The following NTNG1 variants were observed in gnomAD, a reference collection of about 807,000 sequenced individuals.
NTNG1 encodes netrin-G1.
In NTNG1, 16 loss-of-function variants were observed where a neutral mutation model predicts 54.0. That is an observed-to-expected ratio of 0.30 (90% CI 0.20 to 0.45). The LOEUF is 0.45. Among genes scored for constraint, NTNG1 ranks in the 20% least tolerant of loss-of-function variants. NTNG1 has a pLI of 1.00. For missense variants in NTNG1, 530 were observed against 678.7 expected (o/e 0.78, Z 2.43); for synonymous variants, 255 against 263.1 (o/e 0.97, Z 0.30).
At chr1:107,413,772 C>A (rs983419778) in intron 5 of NTNG1, among the ~76,000 whole-genome samples, 6 of 152,156 alleles carry the variant, frequency 3.9e-5, no homozygotes, top group Admixed American at 1.3e-4. Flanking sequence ...TAAATGAATT[C>A]CCTAAAGCAT....
At chr1:107,154,595 C>CAAAA (rs59619310) in intron 2 of NTNG1, among the ~76,000 whole-genome samples, 2 of 47,774 alleles carry the variant, frequency 4.2e-5, no homozygotes, top group Non-Finnish European at 7.9e-5. Flanking sequence ...GACCCTGTCT[C>CAAAA]AAAAAAAAAA....
At chr1:107,249,417 G>T (rs1418005065) in intron 2 of NTNG1, among the ~76,000 whole-genome samples, 1 of 150,664 alleles carries the variant, frequency 6.6e-6, no homozygotes. Flanking sequence ...GGGGTGCGGA[G>T]GTTGCTGTGA....
At chr1:107,401,657 G>A (rs1570878136) in intron 4 of NTNG1, among the ~76,000 whole-genome samples, 1 of 151,034 alleles carries the variant, frequency 6.6e-6, no homozygotes, top group African/African-American at 2.4e-5. Flanking sequence ...CATATTGCAG[G>A]TACATGTTGA....
chr1:107,273,037 A>G (rs1208471462), intron 2 of NTNG1, among the ~76,000 whole-genome samples: 1 of 152,226 alleles, frequency 6.6e-6, no homozygotes, highest in East Asian at 1.9e-4. Context: ...AAAGATCAAT[A>G]ATATACTATT....
chr1:107,355,154 C>G (rs1669862159), intron 3 of NTNG1, among the ~76,000 whole-genome samples: 1 of 151,758 alleles, frequency 6.6e-6, no homozygotes, highest in African/African-American at 2.4e-5. Context: ...GTCTCTGATT[C>G]CTCACTTGTG....
chr1:107,399,971 A>C (rs1672912293), intron 4 of NTNG1, among the ~76,000 whole-genome samples: 1 of 151,946 alleles, frequency 6.6e-6, no homozygotes, highest in Non-Finnish European at 1.5e-5. Context: ...CATGTTCCCC[A>C]CCCCGGCTGT....
chr1:107,185,969 A>C (rs1276853796), intron 2 of NTNG1, among the ~76,000 whole-genome samples: 1 of 152,146 alleles, frequency 6.6e-6, no homozygotes, highest in East Asian at 1.9e-4. Context: ...TGCAACCAGC[A>C]CCCAAATATT....
chr1:107,312,326 A>C (rs1667064811), intron 2 of NTNG1, among the ~76,000 whole-genome samples: 1 of 152,170 alleles, frequency 6.6e-6, no homozygotes, highest in Non-Finnish European at 1.5e-5. Context: ...TTACTCTCTG[A>C]GTCAAGAAGC....
intron 7 of NTNG1, among the ~76,000 whole-genome samples, chr1:107,440,426 G>A (rs1274663169): frequency 6.6e-6 from 1 of 152,166 alleles, no homozygotes; most frequent in African/African-American, 2.4e-5. Context: ...AGACTAAGAG[G>A]AAATTACTTG....
chr1:107,425,009 T>C (rs1372784342), intron 5 of NTNG1, among the ~76,000 whole-genome samples: 2 of 151,764 alleles, frequency 1.3e-5, no homozygotes, highest in African/African-American at 4.8e-5. Flanking sequence ...AGAAGAAGAA[T>C]CAAGAGACTG....
chr1:107,309,507 C>T (rs906304457), intron 2 of NTNG1, among the ~76,000 whole-genome samples: 2 of 152,108 alleles, frequency 1.3e-5, no homozygotes, highest in African/African-American at 2.4e-5. Flanking sequence ...CTTGTTTGCT[C>T]ATCTTTTATT....
At chr1:107,444,216 C>T (rs1166937578) in intron 7 of NTNG1, among the ~76,000 whole-genome samples, 2 of 151,972 alleles carry the variant, frequency 1.3e-5, no homozygotes, top group Non-Finnish European at 2.9e-5. Context: ...TCTTATTTTC[C>T]CTTGATTCTT....
intron 2 of NTNG1, among the ~76,000 whole-genome samples, chr1:107,190,407 T>A (rs150932624): frequency 6.6e-6 from 1 of 152,290 alleles, no homozygotes; most frequent in African/African-American, 2.4e-5. Flanking sequence ...GAGCATCTTT[T>A]TGTACCATCA....
chr1:107,447,277 T>A (rs554190324), intron 7 of NTNG1, among the ~76,000 whole-genome samples: 1 of 152,064 alleles, frequency 6.6e-6, no homozygotes, highest in Non-Finnish European at 1.5e-5. Context: ...TATGGACAAC[T>A]ACTATGTTCC....
intron 4 of NTNG1, among the ~76,000 whole-genome samples, chr1:107,406,406 C>T (rs1673419621): frequency 6.6e-6 from 1 of 152,154 alleles, no homozygotes; most frequent in Non-Finnish European, 1.5e-5. Context: ...ATTGGCCGCA[C>T]ACCATGTGTC....
chr1:107,305,860 G>A (rs1666664845), intron 2 of NTNG1, among the ~76,000 whole-genome samples: 2 of 151,936 alleles, frequency 1.3e-5, no homozygotes, highest in African/African-American at 4.8e-5. Flanking sequence ...TTCATCTTAG[G>A]CTTTGTTTTC....
At chr1:107,459,728 A>G (rs1209587724) in intron 7 of NTNG1, among the ~76,000 whole-genome samples, 1 of 152,182 alleles carries the variant, frequency 6.6e-6, no homozygotes, top group Non-Finnish European at 1.5e-5. Context: ...TTGTTAAAAC[A>G]CCTTCAGAAT....
intron 2 of NTNG1, among the ~76,000 whole-genome samples, chr1:107,176,605 T>C (rs1245069782): frequency 1.3e-5 from 2 of 152,210 alleles, no homozygotes. Flanking sequence ...TTGGAGTATT[T>C]TGAAAATGTT....
chr1:107,481,151 A>C lies in NTNG1; in HGVS notation c.*311A>C, dbSNP rs1196219441. The stretch of plus-strand genomic sequence containing the variant: ...GCCCCCCAAACAGGAAAGACAAAAA[A>C]CAAACAAATCAACCGACCTAAAAAC... On this transcript the variant is annotated 3_prime_UTR_variant, in exon 8 of 8. Transcript: ENST00000370068. 1 of 403,194 alleles carries C rather than the reference A, an allele frequency of 2.5e-6. No individual in the cohort carries two copies. The highest frequency in any genetic ancestry group is 2.0e-5 in the African/African-American group (1 of 50,360). 25.0% of individuals were successfully genotyped at this position (403,194 alleles called of 1,614,324 possible).
Sources: allele counts gnomAD v4.1 joint callset (sites outside exome capture counted in the v4.1 genomes callset), GRCh38; gene constraint gnomAD v4.1.1; transcripts MANE v1.5; gene names NCBI Gene and HGNC (gene_info 2026-07-23, HGNC 2026-07-21).